The following RPN1 variants were observed in gnomAD, a reference collection of about 807,000 sequenced individuals.
RPN1 encodes the protein dolichyl-diphosphooligosaccharide--protein glycosyltransferase subunit 1.
RPN1 carries 12 observed loss-of-function variants against 55.5 expected under a neutral mutation model. The ratio of observed to expected loss-of-function variants is 0.22; its 90% CI spans 0.14 to 0.35. The LOEUF (loss-of-function observed/expected upper bound fraction) is 0.35, where lower values mean the gene tolerates loss of function less well. RPN1 is among the 10% of genes least tolerant of loss of function. The probability of loss-of-function intolerance (pLI) is 1.00; values close to 1 mark genes in which losing one functional copy is unlikely to be tolerated. For synonymous variants in RPN1, 317 were observed against 305.9 expected (o/e 1.04, Z -0.38); for missense variants, 679 against 761.3 (o/e 0.89, Z 1.27).
intron 2 of RPN1, 150 bp downstream of exon 2, chr3:128,644,769 G>C: frequency 1.6e-6 from 1 of 645,088 alleles, no homozygotes; most frequent in Admixed American, 2.7e-5. Context: ...GACCAGCCTG[G>C]GCAACATAGC....
At chr3:128,636,226 C>T (rs1049643045) in intron 3 of RPN1, among the ~76,000 whole-genome samples, 5 of 151,892 alleles carry the variant, frequency 3.3e-5, no homozygotes, top group African/African-American at 9.7e-5. Context: ...TTTGGGAGGC[C>T]GAGGCAGGCG....
At chr3:128,639,641 G>A (rs2069710213) in intron 2 of RPN1, among the ~76,000 whole-genome samples, 1 of 151,888 alleles carries the variant, frequency 6.6e-6, no homozygotes. Flanking sequence ...AGGCTGGAGT[G>A]AAATGGCACA....
rs756491070 is a variant in RPN1, at chr3:128,625,989, T to C, written c.1160A>G (p.Tyr387Cys). 10 of 1,608,566 alleles carry C rather than the reference T, an allele frequency of 6.2e-6. No homozygotes were observed. Among genetic ancestry groups the C allele is most frequent in the African/African-American group, 2.7e-5 (2 of 74,752 alleles). Residue 387 changes from tyrosine to cysteine, a missense_variant, in exon 7 of 10, where the codon TAT (tyrosine) becomes TGT (cysteine). Coordinates refer to ENST00000296255, the MANE Select transcript of RPN1 (RefSeq NM_002950.4). ...CTCATCTGGGGCACGGCTGATTTCA[T>C]AGGGACTATCAATTTCAATGTTCCT... ...GAKNIEIDSP[Y>C]EISRAPDELH...
chr3:128,650,435 C>T, intron 1 of RPN1, 105 bp downstream of exon 1: 3 of 1,202,908 alleles, frequency 2.5e-6, no homozygotes, highest in Non-Finnish European at 1.1e-6. Flanking sequence ...GCCCGGGTCT[C>T]CGCATTTCCT....
intron 5 of RPN1, 154 bp from the exon 6 acceptor site, chr3:128,626,986 A>G: frequency 1.5e-6 from 1 of 650,960 alleles, no homozygotes; most frequent in Non-Finnish European, 2.7e-6. Context: ...GCAACAAAGT[A>G]TCTCTACTGA....
Position 128,631,944 on chromosome 3 carries a change from A to G in RPN1, c.843+4T>C, listed in dbSNP as rs762114855. The G allele has an allele frequency of 3.9e-5, 63 of 1,614,042 alleles. 1 individual carries two copies. In the East Asian group the frequency reaches 7.1e-4, roughly 18 times the overall value. ...TCACAATGTCCAAGTTGAACATTCC[A>G]TACCTTAAAAGAACGGATGGAGGAT... is the stretch of plus-strand genomic sequence containing the variant. On this transcript the variant is annotated splice_donor_region_variant and intron_variant, in intron 4 of 9. Transcript: ENST00000296255.
intron 3 of RPN1, among the ~76,000 whole-genome samples, chr3:128,633,239 T>A (rs1238640380): frequency 7.3e-5 from 11 of 150,778 alleles, no homozygotes; most frequent in African/African-American, 1.5e-4. Context: ...TTTTTTTTTT[T>A]AAATTATAAA....
chr3:128,650,152 C>T (rs2069805186), intron 1 of RPN1, among the ~76,000 whole-genome samples: 1 of 152,242 alleles, frequency 6.6e-6, no homozygotes, highest in African/African-American at 2.4e-5. Flanking sequence ...CCGCGCTCGC[C>T]TTACGGAAGG....
In RPN1 at chr3:128,646,113, G is replaced by A. The variant is rs556318767; in HGVS notation, c.262-1130C>T. Among the ~76,000 whole-genome samples, 31 of 150,690 alleles carry A rather than the reference G, an allele frequency of 2.1e-4. 1 individual carries two copies. The South Asian group carries it at 4.0e-3, about 19-fold the overall frequency. On this transcript the variant is annotated intron_variant, in intron 1 of 9. Coordinates refer to ENST00000296255, the MANE Select transcript of RPN1 (RefSeq NM_002950.4). ...CAAAAAATTAGCCGGGTGTGGTGGCGTGTGGAGGCTGAGGCAGGAGAATTT... is the reference window on the plus strand; with the variant it reads ...CAAAAAATTAGCCGGGTGTGGTGGCATGTGGAGGCTGAGGCAGGAGAATTT...
Position 128,637,792 on chromosome 3 carries a change from A to C in RPN1, c.633+7T>G. 6 of 1,609,512 alleles carry C rather than the reference A, an allele frequency of 3.7e-6. No homozygotes were observed. The highest frequency in any genetic ancestry group is 5.1e-6 in the Non-Finnish European group (6 of 1,177,730). On this transcript the variant is annotated splice_region_variant and intron_variant, in intron 3 of 9. Transcript: ENST00000296255. ...ACAGGGATGGGCTGGACTCCACCTG[A>C]GCTTACCTGACTATAGGCAGGCACA...
At chr3:128,637,250 A>C (rs553468678) in intron 3 of RPN1, among the ~76,000 whole-genome samples, 2 of 151,888 alleles carry the variant, frequency 1.3e-5, no homozygotes, top group East Asian at 3.9e-4. Context: ...AAAAAAAAAA[A>C]TTTTTTTAAG....
At chr3:128,628,170 T>C (rs1313014234) in intron 5 of RPN1, among the ~76,000 whole-genome samples, 2 of 151,720 alleles carry the variant, frequency 1.3e-5, no homozygotes, top group Non-Finnish European at 2.9e-5. Context: ...GGCAGGAGAA[T>C]CTCTTGAACC....
At chr3:128,643,134 C>T (rs1182821978) in intron 2 of RPN1, among the ~76,000 whole-genome samples, 1 of 151,156 alleles carries the variant, frequency 6.6e-6, no homozygotes, top group Non-Finnish European at 1.5e-5. Context: ...GGAGAACAGT[C>T]TGGCCAATAT....
chr3:128,629,091 G>T (rs573088611), intron 5 of RPN1, among the ~76,000 whole-genome samples: 1 of 152,102 alleles, frequency 6.6e-6, no homozygotes, highest in Non-Finnish European at 1.5e-5. Context: ...ACTCAAAGTC[G>T]GGGCAATGAC....
At chr3:128,624,687 C>G (rs2069586462) in intron 8 of RPN1, among the ~76,000 whole-genome samples, 1 of 151,868 alleles carries the variant, frequency 6.6e-6, no homozygotes, top group East Asian at 1.9e-4. Flanking sequence ...CAAGTTGCCC[C>G]ACTAGAAGCA....
At chr3:128,636,137 C>T (rs2069680356) in intron 3 of RPN1, among the ~76,000 whole-genome samples, 2 of 151,964 alleles carry the variant, frequency 1.3e-5, no homozygotes. Context: ...AAACGAACAG[C>T]CCTAACTATG....
intron 3 of RPN1, among the ~76,000 whole-genome samples, chr3:128,634,318 C>A (rs1157715010): frequency 6.6e-6 from 1 of 150,656 alleles, no homozygotes; most frequent in Non-Finnish European, 1.5e-5. Flanking sequence ...AGAGTAAGAC[C>A]CTGTCTTAAG....
At position 128,620,190 on chromosome 3, in the gene RPN1, G is replaced by A; in HGVS notation, c.*221C>T. 1 of 374,308 alleles carries A rather than the reference G, an allele frequency of 2.7e-6. No homozygotes were observed. Among genetic ancestry groups the A allele is most frequent in the East Asian group, 3.9e-5 (1 of 25,438 alleles). 23.2% of individuals were successfully genotyped at this position (374,308 alleles called of 1,614,324 possible). A position where few individuals can be genotyped will look rare whatever the true frequency, so the allele number is the denominator to read the frequency against. ...CAAAGATGTTTTGTTTTTAATGGGA[G>A]TTTTTTTAAAGTTTTCTTTTTTTAA... On this transcript the variant is annotated 3_prime_UTR_variant, in exon 10 of 10. Coordinates refer to ENST00000296255, the MANE Select transcript of RPN1 (RefSeq NM_002950.4).
chr3:128,621,467 A>G (rs1052321259), intron 9 of RPN1, among the ~76,000 whole-genome samples: 6 of 152,190 alleles, frequency 3.9e-5, no homozygotes, highest in Non-Finnish European at 8.8e-5. Context: ...ACACTCCAGC[A>G]TGGGCGACAG....
Sources: allele counts gnomAD v4.1 joint callset (sites outside exome capture counted in the v4.1 genomes callset), GRCh38; gene constraint gnomAD v4.1.1; transcripts MANE v1.5; gene names NCBI Gene and HGNC (gene_info 2026-07-23, HGNC 2026-07-21).